Variants in SLCO1B3 observed in about 807,000 individuals in gnomAD.
SLCO1B3 encodes the protein solute carrier organic anion transporter family member 1B3.
A neutral mutation model predicts 71.8 loss-of-function variants in SLCO1B3; 72 were observed. The ratio of observed to expected loss-of-function variants is 1.00; its 90% CI spans 0.83 to 1.22. SLCO1B3 has a LOEUF of 1.22. Among genes scored for constraint, SLCO1B3 ranks in the 50% most tolerant of loss-of-function variants. The pLI, the probability that SLCO1B3 is intolerant of heterozygous loss-of-function variation, is 0.00. For missense variants in SLCO1B3, 911 were observed against 819.7 expected, an observed-to-expected ratio of 1.11 and a Z score of -1.36; for synonymous variants, 298 against 278.4, an observed-to-expected ratio of 1.07 and a Z score of -0.70.
chr12:20,832,508 A>AT (rs398018755), intron 3 of SLCO1B3, among the ~76,000 whole-genome samples: 1 of 150,686 alleles, frequency 6.6e-6, no homozygotes, highest in African/African-American at 2.5e-5. Flanking sequence ...TAAAAAAAAA[A>AT]TAGAGCAAAA....
At chr12:20,896,040 T>TG (rs1565605766) in intron 13 of SLCO1B3, among the ~76,000 whole-genome samples, 1 of 152,180 alleles carries the variant, frequency 6.6e-6, no homozygotes, top group African/African-American at 2.4e-5. Flanking sequence ...CTGGAGCAGC[T>TG]GGGATGCAGG....
chr12:20,859,920 T>A (rs990607292), intron 5 of SLCO1B3, among the ~76,000 whole-genome samples: 3 of 151,742 alleles, frequency 2.0e-5, no homozygotes, highest in Admixed American at 6.6e-5. Flanking sequence ...TTTTCTTTGA[T>A]CTACCCTCAC....
Position 20,862,743 on chromosome 12 carries a change from G to C in SLCO1B3, c.629-13G>C. On this transcript the variant is annotated splice_polypyrimidine_tract_variant and intron_variant, in intron 7 of 15. Coordinates refer to ENST00000381545, the MANE Select transcript of SLCO1B3 (RefSeq NM_019844.4). The stretch of plus-strand genomic sequence containing the variant: ...TTGTGACATCTGATTAAATTGTTTT[G>C]TAATACTTACAGGTAGTTTGAATGC... 1 of 1,587,102 alleles carries C rather than the reference G, an allele frequency of 6.3e-7. No individual in the cohort carries two copies. Among genetic ancestry groups the C allele is most frequent in the Non-Finnish European group, 8.6e-7 (1 of 1,160,646 alleles).
At chr12:20,815,956 T>C in intron 3 of SLCO1B3, 134 bp downstream of exon 3, 1 of 490,448 alleles carries the variant, frequency 2.0e-6, no homozygotes, top group Admixed American at 3.8e-5. Flanking sequence ...ATTAAAATAT[T>C]AACAAAATAA....
chr12:20,877,815 T>C lies in SLCO1B3; in HGVS notation c.1014T>C (p.Tyr338=), dbSNP rs1865611837. The change falls in exon 10 of 16, where the codon TAT becomes TAC. Residue 338 remains tyrosine (Y), a synonymous_variant. Coordinates refer to ENST00000381545, the MANE Select transcript of SLCO1B3 (RefSeq NM_019844.4). ...AAAGCATCCTTACCAATCCCCTGTA[T>C]GTTATATTTCTGCTTTTGACATTGT... The part of the protein sequence containing the change: ...SLKSILTNPL[Y]VIFLLLTLLQ... 1.3e-6 allele frequency: 2 copies of C among 1,563,300 alleles called. No individual in the cohort carries two copies. Among genetic ancestry groups the C allele is most frequent in the Non-Finnish European group, 1.7e-6 (2 of 1,155,270 alleles).
intron 3 of SLCO1B3, among the ~76,000 whole-genome samples, chr12:20,821,357 A>G (rs1864302021): frequency 6.6e-6 from 1 of 152,160 alleles, no homozygotes. Flanking sequence ...ATTGCAGAAG[A>G]AAAAAGACGC....
At chr12:20,868,696 A>G (rs1865419188) in intron 8 of SLCO1B3, among the ~76,000 whole-genome samples, 1 of 152,012 alleles carries the variant, frequency 6.6e-6, no homozygotes. Flanking sequence ...GGCCTGGGGG[A>G]CCACTACCAC....
intron 13 of SLCO1B3, among the ~76,000 whole-genome samples, chr12:20,891,715 G>A (rs1441359870): frequency 2.6e-5 from 4 of 151,914 alleles, no homozygotes; most frequent in South Asian, 2.1e-4. Context: ...GTTCTGTTAG[G>A]TTTTTCAATT....
chr12:20,909,332 AT>A (rs36075263), intron 15 of SLCO1B3, among the ~76,000 whole-genome samples: 3,007 of 138,822 alleles, frequency 0.022, 62 homozygotes, highest in African/African-American at 0.06. Flanking sequence ...CGCCTGGCTA[AT>A]TTTTTTTTTT....
intron 2 of SLCO1B3, among the ~76,000 whole-genome samples, chr12:20,814,762 G>A (rs1036950198): frequency 2.0e-5 from 3 of 151,736 alleles, no homozygotes; most frequent in Non-Finnish European, 4.4e-5. Context: ...GTTGTGGCAC[G>A]CACCTGCGCC....
chr12:20,884,736 C>T (rs1483994989), intron 13 of SLCO1B3, among the ~76,000 whole-genome samples: 4 of 151,284 alleles, frequency 2.6e-5, no homozygotes, highest in Non-Finnish European at 5.9e-5. Flanking sequence ...ACTAGTTGAT[C>T]GGAAGTTCAT....
At chr12:20,815,324 T>C (rs1277025245) in intron 2 of SLCO1B3, among the ~76,000 whole-genome samples, 1 of 152,196 alleles carries the variant, frequency 6.6e-6, no homozygotes, top group Non-Finnish European at 1.5e-5. Context: ...AAATTTCCTT[T>C]CATAAATCTT....
chr12:20,896,495 A>G (rs1462517206), intron 13 of SLCO1B3, among the ~76,000 whole-genome samples: 1 of 152,146 alleles, frequency 6.6e-6, no homozygotes, highest in East Asian at 1.9e-4. Context: ...CTAAAATATG[A>G]CAAGCATCAT....
intron 13 of SLCO1B3, among the ~76,000 whole-genome samples, chr12:20,889,345 A>AT (rs1003083158): frequency 4.6e-5 from 7 of 151,830 alleles, no homozygotes; most frequent in African/African-American, 1.7e-4. Context: ...TCATCAGGAG[A>AT]TTTTTTAATT....
intron 13 of SLCO1B3, among the ~76,000 whole-genome samples, chr12:20,893,324 A>T (rs1865940106): frequency 6.6e-6 from 1 of 152,182 alleles, no homozygotes; most frequent in African/African-American, 2.4e-5. Context: ...AAAGGGCAGA[A>T]ATAATTTTCA....
intron 15 of SLCO1B3, among the ~76,000 whole-genome samples, chr12:20,902,746 G>T (rs535166454): frequency 3.3e-5 from 5 of 152,074 alleles, no homozygotes; most frequent in Non-Finnish European, 5.9e-5. Context: ...ACAACCAAAT[G>T]TCCTATGTAT....
intron 9 of SLCO1B3, among the ~76,000 whole-genome samples, chr12:20,875,686 C>G (rs1027305694): frequency 6.6e-6 from 1 of 152,056 alleles, no homozygotes; most frequent in Non-Finnish European, 1.5e-5. Flanking sequence ...GGTTTCTGCT[C>G]TTTAGAAGAG....
intron 11 of SLCO1B3, 37 bp downstream of exon 11, chr12:20,879,668 T>A: frequency 7.6e-7 from 1 of 1,315,584 alleles, no homozygotes; most frequent in Non-Finnish European, 1.0e-6. Context: ...TGTAATATGT[T>A]AACCATCAAA....
rs1865253684 is a variant in SLCO1B3, at chr12:20,861,095, A to G, written c.438A>G (p.Gln146=). 1.2e-6 allele frequency: 2 copies of G among 1,603,574 alleles called. No individual in the cohort carries two copies. The highest frequency in any genetic ancestry group is 2.7e-5 in the African/African-American group (2 of 74,656). The change falls in exon 6 of 16, where the codon CAA becomes CAG. Residue 146 remains glutamine (Q), a synonymous_variant. Transcript: ENST00000381545. ...GTTTATCAACCTGTTTAATTAATCAAACCTTATCATTCAATGGAACATCAC... is the reference window on the plus strand; with the variant it reads ...GTTTATCAACCTGTTTAATTAATCAGACCTTATCATTCAATGGAACATCAC... ...TSSLSTCLIN[Q]TLSFNGTSPE...
Sources: gnomAD v4.1 joint callset for allele counts (sites outside exome capture counted in the v4.1 genomes callset) on GRCh38, gnomAD v4.1.1 for gene constraint, MANE v1.5 for transcripts, NCBI Gene and HGNC (gene_info 2026-07-23, HGNC 2026-07-21) for gene names.